Variants in TASP1 observed in about 807,000 individuals in gnomAD.
TASP1 encodes the protein threonine aspartase 1.
In TASP1, 16 loss-of-function variants were observed where a neutral mutation model predicts 56.6. The ratio of observed to expected loss-of-function variants is 0.28; its 90% CI spans 0.19 to 0.43. TASP1 has a LOEUF of 0.43. TASP1 is among the 20% of genes least tolerant of loss of function. The pLI is 1.00. For synonymous variants in TASP1, 179 were observed against 184.2 expected, an observed-to-expected ratio of 0.97 and a Z score of 0.23; for missense variants, 393 against 511.6, an observed-to-expected ratio of 0.77 and a Z score of 2.24.
At chr20:13,477,420 A>G (rs1019464919) in intron 11 of TASP1, among the ~76,000 whole-genome samples, 1 of 152,184 alleles carries the variant, frequency 6.6e-6, no homozygotes, top group African/African-American at 2.4e-5. Flanking sequence ...TCATTTTCAC[A>G]GATAACATTT....
the TASP1 span, among the ~76,000 whole-genome samples, chr20:13,219,337 T>C: frequency 6.6e-6 from 1 of 152,158 alleles, no homozygotes; most frequent in African/African-American, 2.4e-5. Flanking sequence ...CCCTTTTAAG[T>C]GATCCTAATT....
chr20:13,388,437 A>G (rs570559906), downstream of TASP1, among the ~76,000 whole-genome samples: 1 of 152,314 alleles, frequency 6.6e-6, no homozygotes, highest in East Asian at 1.9e-4. Flanking sequence ...AGTCTTGACA[A>G]ACTGTTCTTG....
At chr20:13,327,403 T>C in the TASP1 span, among the ~76,000 whole-genome samples, 1 of 152,124 alleles carries the variant, frequency 6.6e-6, no homozygotes, top group Non-Finnish European at 1.5e-5. Flanking sequence ...GTAGATTCAG[T>C]GCTATCCCAT....
chr20:13,521,342 C>T (rs1348062137), intron 10 of TASP1, among the ~76,000 whole-genome samples: 1 of 152,140 alleles, frequency 6.6e-6, no homozygotes, highest in African/African-American at 2.4e-5. Flanking sequence ...TACTGTGGCA[C>T]TATTCACAAT....
At chr20:13,213,635 T>C in the TASP1 span, among the ~76,000 whole-genome samples, 1 of 152,104 alleles carries the variant, frequency 6.6e-6, no homozygotes, top group Non-Finnish European at 1.5e-5. Flanking sequence ...TTCCCCTTTC[T>C]CCACACATAA....
chr20:13,398,346 G>A (rs1464502295), intron 13 of TASP1, among the ~76,000 whole-genome samples: 2 of 151,908 alleles, frequency 1.3e-5, no homozygotes. Context: ...GCTGACTTCT[G>A]CTGGGTCCTG....
At chr20:13,370,632 A>G in the TASP1 span, among the ~76,000 whole-genome samples, 2 of 152,154 alleles carry the variant, frequency 1.3e-5, no homozygotes, top group Admixed American at 1.3e-4. Context: ...TTGATGTCCT[A>G]AGCCCCGGGG....
At chr20:13,284,326 C>A in the TASP1 span, among the ~76,000 whole-genome samples, 2 of 152,222 alleles carry the variant, frequency 1.3e-5, no homozygotes. Flanking sequence ...ACTCCAGCGG[C>A]ATCCTTGAAA....
chr20:13,402,744 G>C (rs74628096), intron 13 of TASP1, among the ~76,000 whole-genome samples: 12,518 of 152,254 alleles, frequency 0.082, 991 homozygotes, highest in African/African-American at 0.21. Flanking sequence ...AATCTATTTA[G>C]CTGGATACAT....
the TASP1 span, among the ~76,000 whole-genome samples, chr20:13,351,745 T>G: frequency 6.6e-6 from 1 of 152,208 alleles, no homozygotes; most frequent in Admixed American, 6.5e-5. Context: ...GCATACTGTA[T>G]ACACATGAAA....
chr20:13,554,133 A>G (rs2046074427), intron 8 of TASP1, among the ~76,000 whole-genome samples: 1 of 152,206 alleles, frequency 6.6e-6, no homozygotes, highest in South Asian at 2.1e-4. Context: ...GAGCCATATC[A>G]CATCCATGAG....
At chr20:13,537,090 C>A (rs2045446038) in intron 8 of TASP1, among the ~76,000 whole-genome samples, 1 of 152,082 alleles carries the variant, frequency 6.6e-6, no homozygotes. Flanking sequence ...GTAACGTATA[C>A]ACAATGCTAT....
At chr20:13,190,759 C>T in the TASP1 span, among the ~76,000 whole-genome samples, 11 of 152,026 alleles carry the variant, frequency 7.2e-5, no homozygotes, top group South Asian at 2.1e-4. Flanking sequence ...AAAAAACTTC[C>T]GCATGGCAAA....
At chr20:13,277,113 A>C in the TASP1 span, among the ~76,000 whole-genome samples, 1 of 151,926 alleles carries the variant, frequency 6.6e-6, no homozygotes, top group Admixed American at 6.6e-5. Flanking sequence ...CAACAAGTCT[A>C]TTTTGTTTGG....
the TASP1 span, among the ~76,000 whole-genome samples, chr20:13,186,179 A>G: frequency 2.6e-5 from 4 of 152,344 alleles, no homozygotes; most frequent in East Asian, 7.7e-4. Flanking sequence ...ACCTCCAGGA[A>G]TGCCACAAGG....
chr20:13,147,930 C>A, the TASP1 span, among the ~76,000 whole-genome samples: 1 of 152,168 alleles, frequency 6.6e-6, no homozygotes, highest in East Asian at 1.9e-4. Flanking sequence ...AACGAGATTG[C>A]AAAGTCTGCA....
chr20:13,204,259 CAG>C, the TASP1 span, among the ~76,000 whole-genome samples: 4 of 152,268 alleles, frequency 2.6e-5, no homozygotes, highest in African/African-American at 9.6e-5. Flanking sequence ...AAGCCAATGA[CAG>C]AGACTCCTCA....
the TASP1 span, among the ~76,000 whole-genome samples, chr20:13,290,421 G>A: frequency 6.6e-5 from 10 of 152,280 alleles, no homozygotes; most frequent in Admixed American, 2.6e-4. Context: ...AGGCCGAGGC[G>A]GGCAGATCAC....
chr20:13,586,396 G>A (rs568710361), intron 5 of TASP1, among the ~76,000 whole-genome samples: 31 of 152,144 alleles, frequency 2.0e-4, no homozygotes, highest in African/African-American at 6.7e-4. Flanking sequence ...CATCTCACAG[G>A]CATAACATTA....
Sources: allele counts gnomAD v4.1 joint callset (sites outside exome capture counted in the v4.1 genomes callset), GRCh38; gene constraint gnomAD v4.1.1; transcripts MANE v1.5; gene names NCBI Gene and HGNC (gene_info 2026-07-23, HGNC 2026-07-21).